Variants in DOCK7 observed in about 807,000 individuals in gnomAD.
DOCK7 encodes the protein dedicator of cytokinesis protein 7.
DOCK7 carries 138 observed loss-of-function variants against 271.0 expected under a neutral mutation model. That is an observed-to-expected ratio of 0.51 (90% CI 0.44 to 0.59). The LOEUF (loss-of-function observed/expected upper bound fraction) is 0.59. DOCK7 is among the 20% of genes least tolerant of loss of function. The pLI is 0.00. For synonymous variants in DOCK7, 823 were observed against 876.1 expected (o/e 0.94, Z 1.07); for missense variants, 2,066 against 2,592.4 (o/e 0.80, Z 4.41).
At chr1:62,594,614 G>C (rs772855478) in intron 14 of DOCK7, among the ~76,000 whole-genome samples, 4 of 152,052 alleles carry the variant, frequency 2.6e-5, no homozygotes, top group Admixed American at 6.6e-5. Flanking sequence ...TCTCTAAAAA[G>C]AATGTACTAT....
chr1:62,510,216 T>C (rs903814481), intron 34 of DOCK7, among the ~76,000 whole-genome samples: 2 of 152,222 alleles, frequency 1.3e-5, no homozygotes, highest in Admixed American at 6.5e-5. Context: ...TCTTGAATTA[T>C]ATTATAAGCT....
intron 15 of DOCK7, chr1:62,584,830 A>T: frequency 4.1e-6 from 3 of 725,040 alleles, no homozygotes; most frequent in Non-Finnish European, 7.7e-6. Flanking sequence ...TGGTAGCACC[A>T]AAGAGGGAGA....
intron 43 of DOCK7, chr1:62,485,589 T>C (rs992841185): frequency 3.6e-5 from 35 of 985,186 alleles, no homozygotes; most frequent in Admixed American, 6.2e-5. Context: ...AAACATTGCT[T>C]TTAGAAAAAA....
intron 27 of DOCK7, among the ~76,000 whole-genome samples, chr1:62,538,593 A>G (rs974577478): frequency 6.6e-6 from 1 of 152,246 alleles, no homozygotes; most frequent in Non-Finnish European, 1.5e-5. Context: ...GCAATAGTAC[A>G]TAAAGTTTTG....
intron 14 of DOCK7, chr1:62,598,770 C>A: frequency 6.2e-7 from 1 of 1,608,894 alleles, no homozygotes; most frequent in Non-Finnish European, 8.5e-7. Flanking sequence ...AACAATTAAA[C>A]CAACAGCATA....
intron 37 of DOCK7, among the ~76,000 whole-genome samples, chr1:62,501,273 C>T (rs900347467): frequency 4.6e-5 from 7 of 151,994 alleles, no homozygotes; most frequent in African/African-American, 1.5e-4. Context: ...AATTACAGCC[C>T]TAAAAAACTG....
intron 43 of DOCK7, chr1:62,484,406 T>A (rs1646232061): frequency 6.6e-6 from 1 of 152,206 alleles, no homozygotes; most frequent in South Asian, 2.1e-4. Context: ...TCACTGGGGA[T>A]TGATTTTTCT....
intron 14 of DOCK7, chr1:62,604,301 A>G (rs1352017088): frequency 3.2e-6 from 5 of 1,569,440 alleles, no homozygotes; most frequent in Non-Finnish European, 4.4e-6. Context: ...ATTATTAGCT[A>G]TTATCTGCAA....
chr1:62,487,771 C>T (rs1482525524), intron 42 of DOCK7: 9 of 185,834 alleles, frequency 4.8e-5, no homozygotes, highest in Non-Finnish European at 7.9e-5. Context: ...CAAATGCCAA[C>T]GACACAAATG....
At chr1:62,644,742 A>G (rs1460388507) in intron 7 of DOCK7, among the ~76,000 whole-genome samples, 2 of 152,228 alleles carry the variant, frequency 1.3e-5, no homozygotes, top group Non-Finnish European at 2.9e-5. Context: ...ATCAGTTTCT[A>G]TAGTTAGCTA....
chr1:62,494,267 A>C lies in DOCK7; in HGVS notation c.5217+8T>G, dbSNP rs757103598. The C allele has an allele frequency of 1.1e-5, 18 of 1,571,686 alleles. No individual in the cohort carries two copies. Among genetic ancestry groups the C allele is most frequent in the Non-Finnish European group, 1.6e-5 (18 of 1,149,004 alleles). On this transcript the variant is annotated splice_region_variant and intron_variant, in intron 40 of 49. Coordinates refer to ENST00000635253, the MANE Select transcript of DOCK7 (RefSeq NM_001367561.1). Reference sequence around the variant, plus strand: ...CCTTGATTTAATGTACATCTGGAAGATTCCTACCTGAAATGTTACACATCC... The same window carrying C: ...CCTTGATTTAATGTACATCTGGAAGCTTCCTACCTGAAATGTTACACATCC...
At chr1:62,658,446 C>T (rs943613475) in intron 2 of DOCK7, among the ~76,000 whole-genome samples, 6 of 151,746 alleles carry the variant, frequency 4.0e-5, no homozygotes, top group Admixed American at 6.6e-5. Context: ...GGGGACAGAG[C>T]GAGACTCAGT....
At chr1:62,513,637 A>G in intron 32 of DOCK7, 31 bp from the exon 33 acceptor site, 1 of 1,603,590 alleles carries the variant, frequency 6.2e-7, no homozygotes, top group Non-Finnish European at 8.5e-7. Context: ...GAGAAGAGGT[A>G]TTGAGGAAAT....
rs894086772 is a variant in DOCK7, at chr1:62,648,117, A to G, written c.721T>C (p.Ser241Pro). The G allele has an allele frequency of 4.3e-6, 7 of 1,612,896 alleles. No homozygotes were observed. The highest frequency in any genetic ancestry group is 5.9e-6 in the Non-Finnish European group (7 of 1,179,398). The stretch of plus-strand genomic sequence containing the variant: ...GCAAACATCTATACCTCATCTGGTG[A>G]TGGATGCAAAGCAAAAAGTTCTTTG... Reference protein sequence around the residue: ...RHKELFALHPSPDEEEPIERL... With the variant: ...RHKELFALHPPPDEEEPIERL... The change falls in exon 6 of 50, where the codon TCA becomes CCA. Residue 241 changes from serine to proline, a missense_variant. By Grantham distance (74) the Ser-to-Pro change is moderately conservative (BLOSUM62 -1). Transcript: ENST00000635253.
At chr1:62,456,028 C>G (rs1645338656) in intron 49 of DOCK7, among the ~76,000 whole-genome samples, 1 of 152,158 alleles carries the variant, frequency 6.6e-6, no homozygotes, top group Admixed American at 6.5e-5. Context: ...GAGAGTGGTA[C>G]TCATGTAGGA....
chr1:62,467,198 A>G (rs1645704729), intron 48 of DOCK7, among the ~76,000 whole-genome samples: 1 of 152,220 alleles, frequency 6.6e-6, no homozygotes, highest in South Asian at 2.1e-4. Context: ...CTGCTGGAGA[A>G]AACTGTGTCC....
At chr1:62,493,642 T>C (rs1001282762) in intron 40 of DOCK7, among the ~76,000 whole-genome samples, 2 of 152,228 alleles carry the variant, frequency 1.3e-5, no homozygotes, top group Non-Finnish European at 2.9e-5. Flanking sequence ...CCTGAGTCTT[T>C]GTAAAACATT....
rs186936465 is a variant in DOCK7 at position 62,509,741 on chromosome 1, A to G, written c.4379+836T>C. On this transcript the variant is annotated intron_variant, in intron 34 of 49. Coordinates refer to ENST00000635253, the MANE Select transcript of DOCK7 (RefSeq NM_001367561.1). ...GAAACTTGTTTCTCTGCTGGCTCTC[A>G]CTTGTTTCCTCTGTTTTATGATTTT... Among the ~76,000 whole-genome samples, 13 of 152,208 alleles carry G rather than the reference A, an allele frequency of 8.5e-5. No homozygotes were observed. In the East Asian group the frequency reaches 2.5e-3, roughly 29 times the overall value.
chr1:62,459,549 A>G (rs1048236958), intron 48 of DOCK7, among the ~76,000 whole-genome samples: 57 of 152,158 alleles, frequency 3.7e-4, no homozygotes, highest in Non-Finnish European at 7.3e-4. Flanking sequence ...TTCATACAAA[A>G]AAACCCTCTG....
Sources: allele counts gnomAD v4.1 joint callset (sites outside exome capture counted in the v4.1 genomes callset), GRCh38; gene constraint gnomAD v4.1.1; transcripts MANE v1.5; gene names NCBI Gene and HGNC (gene_info 2026-07-23, HGNC 2026-07-21).